The following ALPK3 variants were observed in gnomAD, a reference collection of about 807,000 sequenced individuals.
The protein encoded by ALPK3 is alpha-protein kinase 3.
A neutral mutation model predicts 140.0 loss-of-function variants in ALPK3; 102 were observed. The ratio of observed to expected loss-of-function variants is 0.73; its 90% CI spans 0.62 to 0.86. ALPK3 has a LOEUF of 0.86. Ranked by LOEUF, ALPK3 falls within the 40% of genes least tolerant of loss-of-function variation. The pLI, the probability that ALPK3 is intolerant of heterozygous loss-of-function variation, is 0.00. For missense variants in ALPK3, 2,254 were observed against 2,208.2 expected (o/e 1.02, Z -0.42); for synonymous variants, 938 against 898.5 (o/e 1.04, Z -0.79).
intron 5 of ALPK3, among the ~76,000 whole-genome samples, chr15:84,843,646 T>C (rs1318368226): frequency 1.3e-5 from 2 of 152,196 alleles, no homozygotes; most frequent in African/African-American, 4.8e-5. Flanking sequence ...ATTAGGTGGT[T>C]CAAGATACCT....
At position 84,868,558 on chromosome 15, in the gene ALPK3, C is replaced by A; in HGVS notation, c.*102C>A. The A allele has an allele frequency of 2.6e-6, 3 of 1,176,458 alleles. No homozygotes were observed. The highest frequency in any genetic ancestry group is 3.5e-6 in the Non-Finnish European group (3 of 860,266). The allele number at this position is 1,176,458 out of a possible 1,614,324, so 72.9% of individuals were successfully genotyped here. On this transcript the variant is annotated 3_prime_UTR_variant, in exon 14 of 14. Coordinates refer to ENST00000258888, the MANE Select transcript of ALPK3 (RefSeq NM_020778.5). ...AATATGGAACTAACTGGAGAAGGTG[C>A]ACGAAGGAGACACCACTTGGGGACC...
At chr15:84,835,568 T>C (rs1963590005) in intron 3 of ALPK3, among the ~76,000 whole-genome samples, 1 of 152,182 alleles carries the variant, frequency 6.6e-6, no homozygotes, top group South Asian at 2.1e-4. Context: ...GTGAACAAGA[T>C]ACAGTTTCTA....
chr15:84,865,167 C>A (rs1182012587), intron 12 of ALPK3, among the ~76,000 whole-genome samples: 1 of 152,140 alleles, frequency 6.6e-6, no homozygotes, highest in Non-Finnish European at 1.5e-5. Flanking sequence ...TTCCTACGCC[C>A]CCCATTACCC....
rs753106887 is a variant in ALPK3, at chr15:84,858,170, A to AG, written c.3436dup (p.Glu1146GlyfsTer12). On this transcript the variant is annotated frameshift_variant, in exon 6 of 14. Transcript: ENST00000258888. LOFTEE classifies it high-confidence loss of function. ...AGCCCTCCCAAGAGGAGAAGTTCCC[A>AG]GGGGAGGCTCTGACAGGTCTCCCGG... The AG allele has an allele frequency of 6.2e-7, 1 of 1,611,654 alleles. No homozygotes were observed. The highest frequency in any genetic ancestry group is 8.5e-7 in the Non-Finnish European group (1 of 1,179,080).
chr15:84,830,408 T>G (rs1054710333), intron 3 of ALPK3, among the ~76,000 whole-genome samples: 2 of 152,208 alleles, frequency 1.3e-5, no homozygotes, highest in Non-Finnish European at 2.9e-5. Flanking sequence ...GCCCCAGTGG[T>G]TTCATCAGGT....
In ALPK3 at chr15:84,858,335, C is replaced by T. The variant is rs1258887623; in HGVS notation, c.3597C>T (p.Ser1199=). Residue 1199 remains serine (S), a synonymous_variant, in exon 6 of 14, where the codon AGC becomes AGT. Transcript: ENST00000258888. ...TTTCCCCCCGGGGGCCCAGGAAAAG[C>T]CTGGTGCCTGGGTCCCCAGGGACTC... The part of the protein sequence containing the change: ...PTVSPRGPRK[S]LVPGSPGTPG... 7.1e-6 allele frequency: 11 copies of T among 1,558,310 alleles called. No homozygotes were observed. The East Asian group carries it at 2.4e-4, about 34-fold the overall frequency.
At chr15:84,863,733 T>A (rs1963974373) in intron 11 of ALPK3, 93 bp downstream of exon 11, 14 of 1,237,948 alleles carry the variant, frequency 1.1e-5, no homozygotes, top group Non-Finnish European at 1.6e-5. Flanking sequence ...AGGGGCATCC[T>A]GCGTTATGCC....
At chr15:84,860,589 A>G (rs1963932303) in intron 9 of ALPK3, among the ~76,000 whole-genome samples, 1 of 152,236 alleles carries the variant, frequency 6.6e-6, no homozygotes, top group Non-Finnish European at 1.5e-5. Flanking sequence ...ATGGGCACGT[A>G]CTGCTCCTAC....
Position 84,855,855 on chromosome 15 carries a change from A to T in ALPK3, c.1654-537A>T, listed in dbSNP as rs186050244. Among the ~76,000 whole-genome samples the T allele has an allele frequency of 1.1e-3, 167 of 152,316 alleles. 1 individual carries two copies. Among genetic ancestry groups the T allele is most frequent in the Admixed American group, 3.1e-3 (48 of 15,306 alleles). On this transcript the variant is annotated intron_variant, in intron 5 of 13. Coordinates refer to ENST00000258888, the MANE Select transcript of ALPK3 (RefSeq NM_020778.5). ...ATTTCCTGGCATAGATGCCATTCAG[A>T]ATTACTTTAATCCTCTCTGCTTGGA... is the stretch of plus-strand genomic sequence containing the variant.
chr15:84,836,147 T>G (rs1963595190), intron 3 of ALPK3, among the ~76,000 whole-genome samples: 1 of 151,874 alleles, frequency 6.6e-6, no homozygotes, highest in South Asian at 2.1e-4. Context: ...CCTGCAAGAG[T>G]CAAAGCCTGG....
At position 84,864,554 on chromosome 15, in the gene ALPK3, G is replaced by A; in HGVS notation, c.4612G>A (p.Ala1538Thr). The change falls in exon 12 of 14, where the codon GCT becomes ACT. Residue 1538 changes from alanine (A) to threonine (T), a missense_variant. Physicochemically the swap from Ala to Thr is moderately conservative, Grantham distance 58. Coordinates refer to ENST00000258888, the MANE Select transcript of ALPK3 (RefSeq NM_020778.5). ...TTACTGTTCTCGGGAATGGGGCTGT[G>A]CTGAGGCTCCGACAGCATCTGGCAG... is the stretch of plus-strand genomic sequence containing the variant. ...ESYCSREWGC[A>T]EAPTASGSSE... 1.2e-6 allele frequency: 2 copies of A among 1,614,252 alleles called. No homozygotes were observed. Among genetic ancestry groups the A allele is most frequent in the Non-Finnish European group, 8.5e-7 (1 of 1,180,048 alleles).
intron 5 of ALPK3, among the ~76,000 whole-genome samples, chr15:84,850,875 G>GAT (rs371051171): frequency 0.013 from 1,754 of 136,524 alleles, 51 homozygotes; most frequent in African/African-American, 0.042. Flanking sequence ...CACAGTTCCA[G>GAT]ATATACACAC....
chr15:84,836,310 G>C lies in ALPK3; in HGVS notation c.305-2670G>C, dbSNP rs536369448. Among the ~76,000 whole-genome samples the C allele has an allele frequency of 4.6e-5, 7 of 152,310 alleles. No homozygotes were observed. The South Asian group carries it at 1.5e-3, about 32-fold the overall frequency. ...GCTAATTGGGGTGTTTTGAACAAAG[G>C]GGTACCATGATCTGACATTATTTTA... On this transcript the variant is annotated intron_variant, in intron 3 of 13. Transcript: ENST00000258888.
chr15:84,838,600 CATTATTATTATT>C (rs10625181), intron 3 of ALPK3, among the ~76,000 whole-genome samples: 19 of 115,052 alleles, frequency 1.7e-4, no homozygotes, highest in African/African-American at 3.4e-4. Flanking sequence ...TCTCTCCTCC[CATTATTATTATT>C]ATTATTATTA....
In ALPK3 at chr15:84,857,509, C is replaced by A. The variant is rs1346027337; in HGVS notation, c.2771C>A (p.Pro924Gln). Residue 924 changes from proline to glutamine, a missense_variant, in exon 6 of 14, where the codon CCA becomes CAA. This residue lies in a region of ALPK3 where 2,088 missense variants were observed against 2,022.9 expected (regional missense o/e 1.03). Transcript: ENST00000258888. ...LGLGTPTQSH[P>Q]PETMATSSEG... ...CTGGGGACCCCCACTCAGAGTCACC[C>A]ACCAGAAACCATGGCCACCAGCAGT... 4.4e-6 allele frequency: 7 copies of A among 1,598,632 alleles called. No individual in the cohort carries two copies. The highest frequency in any genetic ancestry group is 1.7e-4 in the Middle Eastern group (1 of 5,998).
At chr15:84,822,484 C>T (rs1380026943) in intron 1 of ALPK3, among the ~76,000 whole-genome samples, 3 of 152,172 alleles carry the variant, frequency 2.0e-5, no homozygotes, top group Non-Finnish European at 2.9e-5. Context: ...GAGCTCTTCT[C>T]ATGATAGGGA....
chr15:84,861,165 G>C (rs1438815813), intron 9 of ALPK3, among the ~76,000 whole-genome samples: 1 of 152,194 alleles, frequency 6.6e-6, no homozygotes, highest in Non-Finnish European at 1.5e-5. Context: ...TTTGGCTGAT[G>C]CAGCTCCCAA....
rs1472483686 is a variant in ALPK3, at chr15:84,868,559, A to G, written c.*103A>G. Reference sequence around the variant, plus strand: ...ATATGGAACTAACTGGAGAAGGTGCACGAAGGAGACACCACTTGGGGACCT... The same window carrying G: ...ATATGGAACTAACTGGAGAAGGTGCGCGAAGGAGACACCACTTGGGGACCT... On this transcript the variant is annotated 3_prime_UTR_variant, in exon 14 of 14. Transcript: ENST00000258888. 5.2e-6 allele frequency: 6 copies of G among 1,144,634 alleles called. No individual in the cohort carries two copies. In the African/African-American group the frequency reaches 7.8e-5, roughly 15 times the overall value. 70.9% of individuals were successfully genotyped at this position (1,144,634 alleles called of 1,614,324 possible). A position where few individuals can be genotyped will look rare whatever the true frequency, so the allele number is the denominator to read the frequency against.
Position 84,853,378 on chromosome 15 carries a change from C to T in ALPK3, c.1654-3014C>T, listed in dbSNP as rs892018462. On this transcript the variant is annotated intron_variant, in intron 5 of 13. Transcript: ENST00000258888. ...CTATAATTCCAGCACTTCTGGAGGC[C>T]GAGGTGGGTAGATCATTTGAGGCCA... is the stretch of plus-strand genomic sequence containing the variant. 2.0e-5 allele frequency among the ~76,000 whole-genome samples: 3 copies of T among 151,834 alleles called. No homozygotes were observed. The East Asian group carries it at 5.8e-4, about 29-fold the overall frequency.
Sources: gnomAD v4.1 joint callset for allele counts (sites outside exome capture counted in the v4.1 genomes callset) on GRCh38, gnomAD v4.1.1 for gene constraint, gnomAD v4.1.1 regional missense constraint, MANE v1.5 for transcripts, NCBI Gene and HGNC (gene_info 2026-07-23, HGNC 2026-07-21) for gene names.